Variants in PDE4D observed in about 807,000 individuals in gnomAD.
The protein encoded by PDE4D is 3',5'-cyclic-AMP phosphodiesterase 4D.
In PDE4D, 24 loss-of-function variants were observed where a neutral mutation model predicts 87.4. The ratio of observed to expected loss-of-function variants is 0.27; its 90% confidence interval spans 0.20 to 0.39. The LOEUF is 0.39. Ranked by LOEUF, PDE4D falls within the 10% of genes least tolerant of loss-of-function variation. PDE4D has a pLI of 1.00. For synonymous variants in PDE4D, 384 were observed against 383.2 expected (o/e 1.00, Z -0.02); for missense variants, 714 against 1,041.0 (o/e 0.69, Z 4.32).
At chr5:60,416,764 T>C (rs1024444278) in intron 1 of PDE4D, among the ~76,000 whole-genome samples, 1 of 152,194 alleles carries the variant, frequency 6.6e-6, no homozygotes, top group Non-Finnish European at 1.5e-5. Context: ...GAAATTAATA[T>C]CCAAGACTCT....
intron 1 of PDE4D, among the ~76,000 whole-genome samples, chr5:60,248,131 T>C (rs71627998): frequency 0.082 from 12,458 of 152,026 alleles, 526 homozygotes; most frequent in Non-Finnish European, 0.097. Context: ...CATGGGTGCA[T>C]GTGAGTGTGC....
At chr5:59,512,862 T>C (rs896711992) in intron 1 of PDE4D, among the ~76,000 whole-genome samples, 18 of 152,076 alleles carry the variant, frequency 1.2e-4, no homozygotes, top group South Asian at 2.1e-4. Context: ...AGGACAAAGA[T>C]AAAAAGTTAT....
At chr5:59,150,986 A>G (rs1779393403) in intron 5 of PDE4D, among the ~76,000 whole-genome samples, 1 of 152,226 alleles carries the variant, frequency 6.6e-6, no homozygotes, top group African/African-American at 2.4e-5. Flanking sequence ...CAAAGGGCAG[A>G]GTCCTGAGAA....
At chr5:59,215,464 T>C in intron 2 of PDE4D, 1 of 319,434 alleles carries the variant, frequency 3.1e-6, no homozygotes, top group South Asian at 3.4e-5. Flanking sequence ...TCTACATAAA[T>C]ATAAGCTAAT....
At chr5:60,296,488 A>G (rs533192878) in intron 1 of PDE4D, among the ~76,000 whole-genome samples, 2 of 152,324 alleles carry the variant, frequency 1.3e-5, no homozygotes, top group Non-Finnish European at 2.9e-5. Context: ...ATATTTTTAC[A>G]CACATACGTA....
intron 1 of PDE4D, among the ~76,000 whole-genome samples, chr5:59,508,355 C>T (rs563397447): frequency 6.6e-6 from 1 of 152,252 alleles, no homozygotes; most frequent in African/African-American, 2.4e-5. Context: ...CAAGTGTATA[C>T]TTGCGATATG....
intron 1 of PDE4D, among the ~76,000 whole-genome samples, chr5:60,379,329 C>G (rs373696171): frequency 2.6e-5 from 4 of 152,262 alleles, no homozygotes; most frequent in African/African-American, 9.6e-5. Flanking sequence ...TATAGCTGAT[C>G]CAGTTACTTT....
chr5:60,104,056 G>A (rs890533748), intron 2 of PDE4D, among the ~76,000 whole-genome samples: 37 of 152,310 alleles, frequency 2.4e-4, no homozygotes, highest in African/African-American at 8.7e-4. Flanking sequence ...GCAGGGCGAG[G>A]CATTGCCTCA....
At chr5:59,005,568 T>A (rs930920760) in intron 6 of PDE4D, among the ~76,000 whole-genome samples, 1 of 152,208 alleles carries the variant, frequency 6.6e-6, no homozygotes, top group East Asian at 1.9e-4. Context: ...GAAGAGAAAT[T>A]TGAATAGAGC....
At chr5:59,405,009 G>A (rs1263084470) in intron 1 of PDE4D, among the ~76,000 whole-genome samples, 1 of 152,168 alleles carries the variant, frequency 6.6e-6, no homozygotes, top group Non-Finnish European at 1.5e-5. Context: ...TTGAAGTCAG[G>A]TAATATGATT....
rs1019791713 is a variant in PDE4D at position 58,974,068 on chromosome 5, AAAGT to A, written c.*592_*595del. 1.3e-5 allele frequency: 2 copies of A among 152,628 alleles called. No individual in the cohort carries two copies. Among genetic ancestry groups the A allele is most frequent in the South Asian group, 2.1e-4 (1 of 4,830 alleles). The allele number at this position is 152,628 out of a possible 1,614,324, so 9.5% of individuals were successfully genotyped here. The stretch of plus-strand genomic sequence containing the variant: ...TAATACCTCAATACATTTAATAATA[AAAGT>A]AAGCTCTACAAAAAATCTGTTTTAC... On this transcript the variant is annotated 3_prime_UTR_variant, in exon 15 of 15. Transcript: ENST00000340635.
At chr5:59,344,676 G>A (rs1024192024) in intron 1 of PDE4D, among the ~76,000 whole-genome samples, 1 of 152,162 alleles carries the variant, frequency 6.6e-6, no homozygotes. Flanking sequence ...TAGGATTATA[G>A]GGTAAACCAC....
intron 5 of PDE4D, among the ~76,000 whole-genome samples, chr5:59,158,181 A>G (rs1036512627): frequency 6.6e-6 from 1 of 152,168 alleles, no homozygotes; most frequent in Non-Finnish European, 1.5e-5. Flanking sequence ...AATGAAGACG[A>G]TTGCCTTCTG....
At chr5:59,679,957 A>G (rs1748729276) in intron 1 of PDE4D, among the ~76,000 whole-genome samples, 2 of 152,118 alleles carry the variant, frequency 1.3e-5, no homozygotes, top group Non-Finnish European at 2.9e-5. Context: ...TATTTGCTGT[A>G]TCTTTGAGGA....
In PDE4D at chr5:59,205,485, G is replaced by A. The variant is rs185293390; in HGVS notation, c.647+10292C>T. Among the ~76,000 whole-genome samples the A allele has an allele frequency of 1.4e-3, 214 of 152,080 alleles. 1 individual carries two copies. The Middle Eastern group carries it at 0.024, about 17-fold the overall frequency. ...AATACTGTTTTGTTTTTACCATGCCGCTTTCTGTATGCTCAAATGGATTTA... is the reference window on the plus strand; with the variant it reads ...AATACTGTTTTGTTTTTACCATGCCACTTTCTGTATGCTCAAATGGATTTA... On this transcript the variant is annotated intron_variant, in intron 2 of 14. Transcript: ENST00000340635.
At chr5:60,417,205 G>A (rs1045789190) in intron 1 of PDE4D, among the ~76,000 whole-genome samples, 2 of 152,176 alleles carry the variant, frequency 1.3e-5, no homozygotes, top group Non-Finnish European at 1.5e-5. Flanking sequence ...ATTCTGGGGC[G>A]GATTCTCCCC....
intron 1 of PDE4D, among the ~76,000 whole-genome samples, chr5:59,874,265 C>A (rs770224615): frequency 1.3e-5 from 2 of 152,128 alleles, no homozygotes; most frequent in Non-Finnish European, 2.9e-5. Context: ...CACATAATGT[C>A]CCTTCACTCT....
At chr5:60,317,666 C>A (rs993544488) in intron 1 of PDE4D, among the ~76,000 whole-genome samples, 1 of 152,182 alleles carries the variant, frequency 6.6e-6, no homozygotes, top group South Asian at 2.1e-4. Flanking sequence ...TGAATGTATC[C>A]CAGAGATTCT....
At chr5:59,546,591 CT>C (rs1817304433) in intron 1 of PDE4D, among the ~76,000 whole-genome samples, 1 of 152,054 alleles carries the variant, frequency 6.6e-6, no homozygotes, top group Non-Finnish European at 1.5e-5. Flanking sequence ...TCCAATTTAA[CT>C]GGGCAATGAA....
Sources: allele counts gnomAD v4.1 joint callset (sites outside exome capture counted in the v4.1 genomes callset), GRCh38; gene constraint gnomAD v4.1.1; transcripts MANE v1.5; gene names NCBI Gene and HGNC (gene_info 2026-07-23, HGNC 2026-07-21).